Variants in RNF139 observed in about 807,000 individuals in gnomAD.
RNF139 encodes the protein ring finger protein 139.
RNF139 carries 15 observed loss-of-function variants against 49.5 expected under a neutral mutation model. The observed-to-expected ratio is 0.30, with a 90% CI of 0.20 to 0.47. The LOEUF (loss-of-function observed/expected upper bound fraction) is 0.47. Ranked by LOEUF, RNF139 falls within the 20% of genes least tolerant of loss-of-function variation. The pLI is 1.00. For synonymous variants in RNF139, 325 were observed against 300.9 expected (o/e 1.08, Z -0.83); for missense variants, 619 against 806.3 (o/e 0.77, Z 2.81).
At chr8:124,477,349 G>GCTGT (rs1396989029) in intron 1 of RNF139, among the ~76,000 whole-genome samples, 3 of 152,176 alleles carry the variant, frequency 2.0e-5, no homozygotes, top group Non-Finnish European at 4.4e-5. Context: ...AAAAGACACA[G>GCTGT]GTTTGTGTGT....
At position 124,486,939 on chromosome 8, in the gene RNF139, G is replaced by A; in HGVS notation, c.1290G>A (p.Leu430=). 6.2e-7 allele frequency: 1 copy of A among 1,614,018 alleles called. No homozygotes were observed. The highest frequency in any genetic ancestry group is 2.2e-5 in the East Asian group (1 of 44,878). The part of the protein sequence containing the change: ...LFAVTAFCVE[L]CLKVIVSLTV... ...CAGTTACAGCATTTTGTGTGGAACTGTGCTTAAAAGTAATTGTTTCTCTCA... is the reference window on the plus strand; with the variant it reads ...CAGTTACAGCATTTTGTGTGGAACTATGCTTAAAAGTAATTGTTTCTCTCA... Residue 430 remains leucine, a synonymous_variant, in exon 2 of 2, where the codon CTG becomes CTA. Coordinates refer to ENST00000303545, the MANE Select transcript of RNF139 (RefSeq NM_007218.4).
At chr8:124,478,723 CT>C (rs199911545) in intron 1 of RNF139, among the ~76,000 whole-genome samples, 318 of 141,568 alleles carry the variant, frequency 2.2e-3, no homozygotes, top group Non-Finnish European at 2.5e-3. Flanking sequence ...TTTTGGAAGA[CT>C]TTTTTTTTTT....
In RNF139 at chr8:124,486,690, G is replaced by T. The variant is rs750271436; in HGVS notation, c.1041G>T (p.Glu347Asp). ...GGTTAAGTGGGCTAAGACCAGAAGAGAGACTTATTCGCTTAAGTAGAAACA... is the reference window on the plus strand; with the variant it reads ...GGTTAAGTGGGCTAAGACCAGAAGATAGACTTATTCGCTTAAGTAGAAACA... The part of the protein sequence containing the change: ...QTGLSGLRPE[E>D]RLIRLSRNMC... Residue 347 changes from glutamate to aspartate, a missense_variant, in exon 2 of 2, where the codon GAG becomes GAT. Glu to Asp is a conservative substitution (Grantham distance 45). Around this residue, in one of 2 missense-constraint regions of RNF139, gnomAD observed 530 missense variants for 728.9 expected, o/e 0.73. Transcript: ENST00000303545. 6.8e-6 allele frequency: 11 copies of T among 1,614,002 alleles called. No homozygotes were observed. Among genetic ancestry groups the T allele is most frequent in the Non-Finnish European group, 8.5e-6 (10 of 1,180,014 alleles).
intron 1 of RNF139, among the ~76,000 whole-genome samples, chr8:124,481,087 T>G (rs1187860210): frequency 6.6e-6 from 1 of 152,222 alleles, no homozygotes; most frequent in Non-Finnish European, 1.5e-5. Context: ...AATTTTGTGT[T>G]AATACTTAGA....
chr8:124,486,010 C>T lies in RNF139; in HGVS notation c.361C>T (p.Arg121Ter). ...AGCTTTTGGAATTGAGCTGCTTCCT[C>T]GAAAAGGTCCCTCGCTGTGGATGGC... The part of the protein sequence containing the change: ...TSAFGIELLP[R>*]KGPSLWMALI... The change falls in exon 2 of 2, where the codon CGA becomes TGA. Residue 121 changes from arginine to a stop codon, truncating the protein, a stop_gained. Transcript: ENST00000303545. LOFTEE classifies it high-confidence loss of function. 1 of 1,614,156 alleles carries T rather than the reference C, an allele frequency of 6.2e-7. No homozygotes were observed. The highest frequency in any genetic ancestry group is 8.5e-7 in the Non-Finnish European group (1 of 1,179,998).
In RNF139 at chr8:124,487,811, C is replaced by T. The variant is rs1816567521; in HGVS notation, c.*167C>T. Reference sequence around the variant, plus strand: ...GTGATGTGCTACTGTAAATATACCTCTTTAATTACTTCTGGTCTCTTTGGT... The same window carrying T: ...GTGATGTGCTACTGTAAATATACCTTTTTAATTACTTCTGGTCTCTTTGGT... On this transcript the variant is annotated 3_prime_UTR_variant, in exon 2 of 2. Transcript: ENST00000303545. 1 of 610,954 alleles carries T rather than the reference C, an allele frequency of 1.6e-6. No homozygotes were observed. The highest frequency in any genetic ancestry group is 1.8e-5 in the African/African-American group (1 of 54,270). The allele number at this position is 610,954 out of a possible 1,614,324, so 37.8% of individuals were successfully genotyped here. A position where few individuals can be genotyped will look rare whatever the true frequency, so the allele number is the denominator to read the frequency against.
At position 124,487,859 on chromosome 8, in the gene RNF139, T is replaced by A; in HGVS notation, c.*215T>A. 2.1e-6 allele frequency: 1 copy of A among 480,208 alleles called. No homozygotes were observed. The highest frequency in any genetic ancestry group is 3.6e-6 in the Non-Finnish European group (1 of 274,080). 29.7% of individuals were successfully genotyped at this position (480,208 alleles called of 1,614,324 possible). A position where few individuals can be genotyped will look rare whatever the true frequency, so the allele number is the denominator to read the frequency against. The stretch of plus-strand genomic sequence containing the variant: ...GGTGACCTGTTTAAATTTGTGTACA[T>A]TATTGTACATAGAATAAAATGTTTT... On this transcript the variant is annotated 3_prime_UTR_variant, in exon 2 of 2. Transcript: ENST00000303545.
chr8:124,486,621 C>G lies in RNF139; in HGVS notation c.972C>G (p.Gly324=). 1 of 1,614,118 alleles carries G rather than the reference C, an allele frequency of 6.2e-7. No individual in the cohort carries two copies. The highest frequency in any genetic ancestry group is 8.5e-7 in the Non-Finnish European group (1 of 1,180,018). The change falls in exon 2 of 2, where the codon GGC becomes GGG. Residue 324 remains glycine (G), a synonymous_variant. Coordinates refer to ENST00000303545, the MANE Select transcript of RNF139 (RefSeq NM_007218.4). The stretch of plus-strand genomic sequence containing the variant: ...CTGAGGAAGATGACAGGCGTCTTGG[C>G]TTTGTTGCACCTGTTTTATTTTTTA... ...GSTEEDDRRL[G]FVAPVLFFIL... is the part of the protein sequence containing the mutation.
intron 1 of RNF139, among the ~76,000 whole-genome samples, chr8:124,484,215 T>C (rs1816494624): frequency 1.3e-5 from 2 of 152,170 alleles, no homozygotes; most frequent in Non-Finnish European, 2.9e-5. Flanking sequence ...AATCCAAGTC[T>C]GGAGCACTGA....
chr8:124,483,038 TATTTAAAAATATATCTA>T (rs1427457264), intron 1 of RNF139, among the ~76,000 whole-genome samples: 2 of 91,612 alleles, frequency 2.2e-5, no homozygotes, highest in Non-Finnish European at 4.0e-5. Context: ...AATATATATA[TATTTAAAAATATATCTA>T]TTAAAAATAT....
chr8:124,486,439 G>T lies in RNF139; in HGVS notation c.790G>T (p.Asp264Tyr). The change falls in exon 2 of 2, where the codon GAT (aspartate) becomes TAT (tyrosine). Residue 264 changes from aspartate (D) to tyrosine (Y), a missense_variant. By Grantham distance (160) the Asp-to-Tyr change is radical. Transcript: ENST00000303545. ...MYILRMANET[D>Y]SFFISWDDFW... ...CATCTTAAGGATGGCAAATGAAACT[G>T]ATTCCTTCTTTATTTCTTGGGATGA... is the stretch of plus-strand genomic sequence containing the variant. 6.2e-7 allele frequency: 1 copy of T among 1,614,134 alleles called. No individual in the cohort carries two copies.
At position 124,474,899 on chromosome 8, in the gene RNF139, G is replaced by GCCA. The variant is rs1302119151; in HGVS notation, c.-209_-208insACC. Reference sequence around the variant, plus strand: ...AAACCCAGAGACCTCCTGGGGAGCCGCCGCCGCCGCCCTCTCGGCCATCGC... The same window carrying GCCA: ...AAACCCAGAGACCTCCTGGGGAGCCGCCACCGCCGCCGCCCTCTCGGCCATCGC... On this transcript the variant is annotated 5_prime_UTR_variant, in exon 1 of 2. Transcript: ENST00000303545. The surrounding 1 kb of genome is among the most constrained non-coding windows in gnomAD (Gnocchi z 4.6). 2.5e-5 allele frequency: 8 copies of GCCA among 324,714 alleles called. No homozygotes were observed. The highest frequency in any genetic ancestry group is 4.4e-5 in the Non-Finnish European group (8 of 181,488). 20.1% of individuals were successfully genotyped at this position (324,714 alleles called of 1,614,324 possible).
intron 1 of RNF139, among the ~76,000 whole-genome samples, chr8:124,480,614 C>T (rs1008055323): frequency 6.6e-6 from 1 of 152,166 alleles, no homozygotes; most frequent in African/African-American, 2.4e-5. Flanking sequence ...TCACAGAACT[C>T]AGTCCTTTTG....
Position 124,486,869 on chromosome 8 carries a change from G to C in RNF139, c.1220G>C (p.Ser407Thr), listed in dbSNP as rs772672763. Reference protein sequence around the residue: ...ACLFILPVLLSYVLWHHYALN... With the variant: ...ACLFILPVLLTYVLWHHYALN... ...CTGTTTATTCTTCCTGTCTTACTCA[G>C]TTATGTTCTTTGGCATCACTATGCA... The change falls in exon 2 of 2, where the codon AGT becomes ACT. Residue 407 changes from serine to threonine, a missense_variant. Transcript: ENST00000303545. The C allele has an allele frequency of 6.2e-7, 1 of 1,613,808 alleles. No individual in the cohort carries two copies. The highest frequency in any genetic ancestry group is 8.5e-7 in the Non-Finnish European group (1 of 1,179,974).
chr8:124,486,883 C>G lies in RNF139; in HGVS notation c.1234C>G (p.His412Asp). ...LPVLLSYVLW[H>D]HYALNTWLFA... ...TGTCTTACTCAGTTATGTTCTTTGG[C>G]ATCACTATGCACTAAATACATGGTT... is the stretch of plus-strand genomic sequence containing the variant. The change falls in exon 2 of 2, where the codon CAT (histidine) becomes GAT (aspartate). Residue 412 changes from histidine (H) to aspartate (D), a missense_variant. His to Asp is a moderately conservative substitution (Grantham distance 81, BLOSUM62 -1). Coordinates refer to ENST00000303545, the MANE Select transcript of RNF139 (RefSeq NM_007218.4). The G allele has an allele frequency of 6.2e-7, 1 of 1,613,902 alleles. No homozygotes were observed. The highest frequency in any genetic ancestry group is 8.5e-7 in the Non-Finnish European group (1 of 1,179,982).
intron 1 of RNF139, among the ~76,000 whole-genome samples, chr8:124,484,894 T>G (rs924390063): frequency 2.0e-5 from 3 of 152,146 alleles, no homozygotes; most frequent in African/African-American, 7.2e-5. Flanking sequence ...TGGAAGATGT[T>G]TCTAAGTCCG....
intron 1 of RNF139, among the ~76,000 whole-genome samples, chr8:124,476,604 A>T (rs1816319757): frequency 7.2e-5 from 11 of 152,254 alleles, no homozygotes; most frequent in Admixed American, 7.2e-4. Context: ...AAGCTGCTTC[A>T]GTAACCCACC....
rs546102758 is a variant in RNF139, at chr8:124,479,034, C to G, written c.181+3744C>G. 5.3e-5 allele frequency among the ~76,000 whole-genome samples: 8 copies of G among 152,230 alleles called. No homozygotes were observed. In the South Asian group the frequency reaches 1.7e-3, roughly 32 times the overall value. ...GCCACCGTGCCTGGCCCGGAAGACT[C>G]TTAATTTCAGTGTAAAACCATTTGG... On this transcript the variant is annotated intron_variant, in intron 1 of 1. Transcript: ENST00000303545.
chr8:124,486,720 C>T lies in RNF139; in HGVS notation c.1071C>T (p.Cys357=). 1.2e-6 allele frequency: 2 copies of T among 1,613,994 alleles called. No individual in the cohort carries two copies. Among genetic ancestry groups the T allele is most frequent in the East Asian group, 2.2e-5 (1 of 44,872 alleles). Residue 357 remains cysteine (C), a synonymous_variant, in exon 2 of 2, where the codon TGC becomes TGT. Coordinates refer to ENST00000303545, the MANE Select transcript of RNF139 (RefSeq NM_007218.4). ...TTATTCGCTTAAGTAGAAACATGTG[C>T]CTTTTATTAACTGCAGTCCTGCATT... ...ERLIRLSRNM[C]LLLTAVLHFI...
Sources: gnomAD v4.1 joint callset for allele counts (sites outside exome capture counted in the v4.1 genomes callset) on GRCh38, gnomAD v4.1.1 for gene constraint, gnomAD v4.1.1 regional missense constraint, Gnocchi (gnomAD v3.1) non-coding constraint, MANE v1.5 for transcripts, NCBI Gene and HGNC (gene_info 2026-07-23, HGNC 2026-07-21) for gene names.